The following DAB2IP variants were observed in gnomAD, a reference collection of about 807,000 sequenced individuals.
DAB2IP encodes the protein DAB2 interacting protein.
DAB2IP carries 28 observed loss-of-function variants against 107.2 expected under a neutral mutation model. The ratio of observed to expected loss-of-function variants is 0.26; its 90% CI spans 0.19 to 0.36. DAB2IP has a LOEUF of 0.36. DAB2IP is among the 10% of genes least tolerant of loss of function. The pLI, the probability that DAB2IP is intolerant of heterozygous loss-of-function variation, is 1.00. For synonymous variants in DAB2IP, 755 were observed against 706.4 expected, an observed-to-expected ratio of 1.07 and a Z score of -1.09; for missense variants, 1,400 against 1,644.7, an observed-to-expected ratio of 0.85 and a Z score of 2.57.
At chr9:121,707,175 C>T (rs992356543) in intron 3 of DAB2IP, among the ~76,000 whole-genome samples, 4 of 152,206 alleles carry the variant, frequency 2.6e-5, no homozygotes, top group Non-Finnish European at 4.4e-5. Context: ...GAGCACTTTG[C>T]GCCCTGTGCC....
rs900274209 is a variant in DAB2IP at position 121,654,409 on chromosome 9, T to C, written c.124+2510T>C. Among the ~76,000 whole-genome samples, 5 of 152,154 alleles carry C rather than the reference T, an allele frequency of 3.3e-5. No individual in the cohort carries two copies. The East Asian group carries it at 9.7e-4, about 29-fold the overall frequency. On this transcript the variant is annotated intron_variant, in intron 1 of 15. Transcript: ENST00000408936. The stretch of plus-strand genomic sequence containing the variant: ...GAGTTCAAGACCAGCCTGGGCAACA[T>C]AGCAAGACCCTGTCTCAATATTGTT...
chr9:121,572,016 C>T (rs914329280), intron 1 of DAB2IP, among the ~76,000 whole-genome samples: 1 of 152,072 alleles, frequency 6.6e-6, no homozygotes, highest in African/African-American at 2.4e-5. Flanking sequence ...CCCTCTGGTG[C>T]CAGCCCCTTG....
intron 3 of DAB2IP, among the ~76,000 whole-genome samples, chr9:121,703,076 C>T (rs983590817): frequency 1.3e-5 from 2 of 152,076 alleles, no homozygotes; most frequent in Non-Finnish European, 2.9e-5. Flanking sequence ...CGTTCCCACA[C>T]CTGAAAGTTA....
At chr9:121,667,797 C>A (rs1833508987) in intron 1 of DAB2IP, among the ~76,000 whole-genome samples, 2 of 152,210 alleles carry the variant, frequency 1.3e-5, no homozygotes, top group African/African-American at 4.8e-5. Context: ...CACGCCCAGC[C>A]AGATCCACTT....
At chr9:121,731,536 A>T (rs780025514) in intron 3 of DAB2IP, among the ~76,000 whole-genome samples, 26 of 152,248 alleles carry the variant, frequency 1.7e-4, no homozygotes, top group Non-Finnish European at 3.2e-4. Flanking sequence ...CTGTCTGGTT[A>T]CATGGGGAAG....
chr9:121,775,731 GGCTGGGAA>G (rs1280887000), intron 13 of DAB2IP, among the ~76,000 whole-genome samples: 1 of 152,184 alleles, frequency 6.6e-6, no homozygotes, highest in Admixed American at 6.5e-5. Context: ...TTCAAACAGA[GGCTGGGAA>G]GCTGGGATCT....
At chr9:121,784,035 G>A (rs551335485) in exon 16 of DAB2IP, 20 of 195,524 alleles carry the variant, frequency 1.0e-4, no homozygotes, top group Admixed American at 1.6e-4. Flanking sequence ...TGGATGTGCT[G>A]GAGGGGTGGC....
At chr9:121,647,081 CTCAA>C, upstream of DAB2IP, among the ~76,000 whole-genome samples, 1 of 152,298 alleles carries the variant, frequency 6.6e-6, no homozygotes, top group East Asian at 1.9e-4. Context: ...AAACTCCACC[CTCAA>C]ACAAACCTCT....
chr9:121,679,078 T>A (rs1413797924), intron 2 of DAB2IP, among the ~76,000 whole-genome samples: 4 of 152,282 alleles, frequency 2.6e-5, no homozygotes, highest in African/African-American at 9.6e-5. Context: ...AAGAGGCTCT[T>A]GTTAGTTTAG....
chr9:121,685,220 A>G (rs1044467134), intron 2 of DAB2IP, among the ~76,000 whole-genome samples: 1 of 152,182 alleles, frequency 6.6e-6, no homozygotes, highest in African/African-American at 2.4e-5. Context: ...CAAAAGGAAC[A>G]TTACCGTCAT....
intron 1 of DAB2IP, among the ~76,000 whole-genome samples, chr9:121,631,446 C>G (rs1045584943): frequency 6.6e-5 from 10 of 152,000 alleles, no homozygotes; most frequent in African/African-American, 2.4e-4. Flanking sequence ...TGAGTGGTGC[C>G]CAGGGAGGAG....
chr9:121,588,429 C>G (rs1830351259), intron 1 of DAB2IP, among the ~76,000 whole-genome samples: 1 of 151,862 alleles, frequency 6.6e-6, no homozygotes, highest in Admixed American at 6.6e-5. Context: ...TCCTCCTCAT[C>G]CCAACTGGGG....
At chr9:121,783,348 C>T (rs1202242732) in exon 16 of DAB2IP, 1 of 1,467,618 alleles carries the variant, frequency 6.8e-7, no homozygotes, top group Non-Finnish European at 9.0e-7. Context: ...CCAGATGGCT[C>T]TGAGCACTGT....
rs1239447587 is a variant in DAB2IP at position 121,776,465 on chromosome 9, G to A, written c.3314+74G>A. On this transcript the variant is annotated intron_variant, in intron 14 of 15. Coordinates refer to ENST00000408936, the Ensembl canonical transcript of DAB2IP. The surrounding 1 kb of genome is among the most constrained non-coding windows in gnomAD (Gnocchi z 5.4). ...CATCGCTGCCTTCGAGGAGGCCCCT[G>A]GTCGGGGAGCCTCCTCAAAGGATAA... 1 of 1,414,370 alleles carries A rather than the reference G, an allele frequency of 7.1e-7. No individual in the cohort carries two copies. Among genetic ancestry groups the A allele is most frequent in the East Asian group, 2.5e-5 (1 of 39,948 alleles). The allele number at this position is 1,414,370 out of a possible 1,614,324, so 87.6% of individuals were successfully genotyped here.
At chr9:121,579,333 C>A (rs1173516217) in intron 1 of DAB2IP, among the ~76,000 whole-genome samples, 1 of 152,078 alleles carries the variant, frequency 6.6e-6, no homozygotes, top group Non-Finnish European at 1.5e-5. Context: ...TACCCCCCCA[C>A]CCTGAGGACC....
At chr9:121,588,862 C>T (rs910254772) in intron 1 of DAB2IP, among the ~76,000 whole-genome samples, 1 of 151,728 alleles carries the variant, frequency 6.6e-6, no homozygotes, top group South Asian at 2.1e-4. Context: ...GCAGAGGCAA[C>T]CCCCAAGAGC....
At chr9:121,751,951 G>C in intron 3 of DAB2IP, 2 of 985,482 alleles carry the variant, frequency 2.0e-6, no homozygotes, top group Non-Finnish European at 2.4e-6. Context: ...TCCTTCCTGG[G>C]AGCAGTAAGG....
chr9:121,759,780 C>T (rs909708607), intron 5 of DAB2IP, 105 bp from the exon 6 acceptor site: 19 of 1,090,156 alleles, frequency 1.7e-5, no homozygotes, highest in Non-Finnish European at 2.5e-5. Flanking sequence ...CCGCCTCCAC[C>T]TTCAGAGCTC....
intron 3 of DAB2IP, among the ~76,000 whole-genome samples, chr9:121,731,162 T>C (rs991316733): frequency 6.6e-6 from 1 of 152,218 alleles, no homozygotes; most frequent in Admixed American, 6.5e-5. Context: ...CTAATATTTG[T>C]GTACCTTCCC....
Sources: allele counts gnomAD v4.1 joint callset (sites outside exome capture counted in the v4.1 genomes callset), GRCh38; gene constraint gnomAD v4.1.1; non-coding constraint Gnocchi (gnomAD v3.1); transcripts MANE v1.5; gene names NCBI Gene and HGNC (gene_info 2026-07-23, HGNC 2026-07-21).